FSD1L: variants seen among roughly 807,000 people sequenced by gnomAD.
The protein encoded by FSD1L is FSD1-like protein.
A neutral mutation model predicts 71.6 loss-of-function variants in FSD1L; 45 were observed. The ratio of observed to expected loss-of-function variants is 0.63; its 90% CI spans 0.49 to 0.81. FSD1L has a LOEUF of 0.81. Among genes scored for constraint, FSD1L ranks in the 30% least tolerant of loss-of-function variants. The probability of loss-of-function intolerance (pLI) is 0.00; values close to 1 mark genes in which losing one functional copy is unlikely to be tolerated. For synonymous variants in FSD1L, 197 were observed against 207.2 expected (o/e 0.95, Z 0.42); for missense variants, 561 against 618.1 (o/e 0.91, Z 0.98).
At chr9:105,521,223 A>G in intron 10 of FSD1L, 1 of 1,614,214 alleles carries the variant, frequency 6.2e-7, no homozygotes, top group South Asian at 1.1e-5. Flanking sequence ...AGGACCTCAT[A>G]TTCCTGGGAT....
chr9:105,520,756 G>A (rs1835094512), intron 10 of FSD1L: 27 of 1,612,716 alleles, frequency 1.7e-5, no homozygotes, highest in Non-Finnish European at 1.9e-5. Context: ...CATGGACCTC[G>A]AACTTTAGAT....
intron 7 of FSD1L, among the ~76,000 whole-genome samples, chr9:105,492,110 T>C (rs1336721075): frequency 1.3e-5 from 2 of 152,156 alleles, no homozygotes; most frequent in Admixed American, 6.5e-5. Context: ...AGAATTCGGC[T>C]GTGAATCCAT....
rs1222974289 is a variant in FSD1L, at chr9:105,548,793, A to C, written c.*2310A>C. ...ATTTGATACTAAATTTTCAATTATT[A>C]CTTCAAAATAAGAGTCTGAGGATTT... On this transcript the variant is annotated 3_prime_UTR_variant, in exon 14 of 14. Transcript: ENST00000481272. The C allele has an allele frequency of 6.6e-6, 1 of 152,078 alleles. No individual in the cohort carries two copies. Among genetic ancestry groups the C allele is most frequent in the Non-Finnish European group, 1.5e-5 (1 of 67,988 alleles). The allele number at this position is 152,078 out of a possible 1,614,324, so 9.4% of individuals were successfully genotyped here.
chr9:105,457,732 C>T (rs1315286429), intron 1 of FSD1L, among the ~76,000 whole-genome samples: 1 of 152,242 alleles, frequency 6.6e-6, no homozygotes, highest in Non-Finnish European at 1.5e-5. Flanking sequence ...GATCCCACAC[C>T]TGCCGAGGGC....
At chr9:105,479,266 C>T (rs1832015609) in intron 5 of FSD1L, 88 bp from the exon 6 acceptor site, 3 of 1,189,644 alleles carry the variant, frequency 2.5e-6, no homozygotes, top group Non-Finnish European at 3.6e-6. Context: ...GGGTTTATAT[C>T]CTAACTTTTC....
chr9:105,443,592 G>A (rs1254021539), upstream of FSD1L, among the ~76,000 whole-genome samples: 3 of 152,052 alleles, frequency 2.0e-5, no homozygotes, highest in Admixed American at 6.6e-5. Flanking sequence ...GACTTCCAAG[G>A]GGTTGCAGGG....
At chr9:105,523,264 C>A in intron 10 of FSD1L, 1 of 1,605,544 alleles carries the variant, frequency 6.2e-7, no homozygotes, top group Non-Finnish European at 8.5e-7. Context: ...CAGACTCCTT[C>A]CCCTTCTACA....
chr9:105,461,762 C>G, intron 2 of FSD1L, 147 bp downstream of exon 2: 1 of 561,774 alleles, frequency 1.8e-6, no homozygotes, highest in South Asian at 2.6e-5. Flanking sequence ...GCCTGTAATC[C>G]CAACACTTTG....
upstream of FSD1L, chr9:105,447,915 G>A (rs72744254): frequency 9.9e-6 from 5 of 502,800 alleles, no homozygotes; most frequent in East Asian, 7.6e-5. Flanking sequence ...AGCCTGCAGA[G>A]GCACTAGCGG....
At chr9:105,450,594 T>C (rs1230005695) in intron 1 of FSD1L, among the ~76,000 whole-genome samples, 1 of 150,028 alleles carries the variant, frequency 6.7e-6, no homozygotes. Context: ...AGTGCAACGG[T>C]GCAATCTTGG....
rs1420297478 is a variant in FSD1L, at chr9:105,508,735, A to G, written c.895+20A>G. On this transcript the variant is annotated intron_variant, in intron 9 of 13. Transcript: ENST00000481272. Reference sequence around the variant, plus strand: ...CCAAAGGTGAGATCAGTAGCTCTTTATACAGCATAAAACAAAGCTTAACAT... The same window carrying G: ...CCAAAGGTGAGATCAGTAGCTCTTTGTACAGCATAAAACAAAGCTTAACAT... The G allele has an allele frequency of 7.2e-7, 1 of 1,387,250 alleles. No homozygotes were observed. Among genetic ancestry groups the G allele is most frequent in the Non-Finnish European group, 1.0e-6 (1 of 1,003,194 alleles). 85.9% of individuals were successfully genotyped at this position (1,387,250 alleles called of 1,614,324 possible). A position where few individuals can be genotyped will look rare whatever the true frequency, so the allele number is the denominator to read the frequency against.
At chr9:105,544,149 A>C (rs1338075555) in intron 13 of FSD1L, among the ~76,000 whole-genome samples, 3 of 152,136 alleles carry the variant, frequency 2.0e-5, no homozygotes, top group African/African-American at 7.2e-5. Flanking sequence ...ATGGTATCTC[A>C]TTGTAGTTTT....
intron 7 of FSD1L, among the ~76,000 whole-genome samples, chr9:105,496,870 G>A (rs539691719): frequency 2.0e-4 from 31 of 152,226 alleles, no homozygotes; most frequent in African/African-American, 6.0e-4. Flanking sequence ...TTGTATTGTC[G>A]TACTGCATTA....
At chr9:105,486,204 C>G (rs1220634955) in intron 7 of FSD1L, among the ~76,000 whole-genome samples, 1 of 152,140 alleles carries the variant, frequency 6.6e-6, no homozygotes, top group African/African-American at 2.4e-5. Context: ...TTGTCATTGG[C>G]TGTTTACCTA....
At chr9:105,442,196 C>T in the FSD1L span, among the ~76,000 whole-genome samples, 14 of 152,174 alleles carry the variant, frequency 9.2e-5, no homozygotes, top group South Asian at 2.9e-3. Flanking sequence ...ATTAACTATC[C>T]CTCCCAGGCC....
chr9:105,521,877 G>T (rs1186595672), intron 10 of FSD1L: 13 of 1,612,142 alleles, frequency 8.1e-6, no homozygotes, highest in Non-Finnish European at 1.1e-5. Flanking sequence ...ATTTCTTCTT[G>T]AACCTGCAAA....
At chr9:105,523,057 T>C (rs1835283011) in intron 10 of FSD1L, 1 of 1,614,144 alleles carries the variant, frequency 6.2e-7, no homozygotes, top group Non-Finnish European at 8.5e-7. Flanking sequence ...GACACTGGGG[T>C]TACGTCCTCT....
At chr9:105,452,068 G>T (rs1236898946) in intron 1 of FSD1L, among the ~76,000 whole-genome samples, 1 of 152,002 alleles carries the variant, frequency 6.6e-6, no homozygotes, top group Non-Finnish European at 1.5e-5. Context: ...GGCTTGACTG[G>T]ACAAAACTAG....
chr9:105,447,552 TCA>T (rs1829696965), upstream of FSD1L, among the ~76,000 whole-genome samples: 7 of 151,854 alleles, frequency 4.6e-5, no homozygotes, highest in Admixed American at 4.6e-4. Flanking sequence ...GCCCCAAAGC[TCA>T]TATTAATCCC....
Sources: gnomAD v4.1 joint callset for allele counts (sites outside exome capture counted in the v4.1 genomes callset) on GRCh38, gnomAD v4.1.1 for gene constraint, MANE v1.5 for transcripts, NCBI Gene and HGNC (gene_info 2026-07-23, HGNC 2026-07-21) for gene names.